The following PATJ variants were observed in gnomAD, a reference collection of about 807,000 sequenced individuals.
PATJ encodes the protein inaD-like protein.
In PATJ, 190 loss-of-function variants were observed where a neutral mutation model predicts 224.9. The observed-to-expected ratio is 0.84, with a 90% CI of 0.75 to 0.95. The LOEUF (loss-of-function observed/expected upper bound fraction) is 0.95. Among genes scored for constraint, PATJ ranks in the 40% least tolerant of loss-of-function variants. The pLI is 0.00. For synonymous variants in PATJ, 769 were observed against 820.3 expected (o/e 0.94, Z 1.07); for missense variants, 2,121 against 2,270.3 (o/e 0.93, Z 1.34).
chr1:62,079,014 A>G (rs2148725495), intron 31 of PATJ, among the ~76,000 whole-genome samples: 1 of 152,234 alleles, frequency 6.6e-6, no homozygotes, highest in Non-Finnish European at 1.5e-5. Context: ...AGAAATGGAC[A>G]GTGTTGATGC....
At chr1:61,773,731 G>A (rs1484648544) in intron 6 of PATJ, among the ~76,000 whole-genome samples, 2 of 151,786 alleles carry the variant, frequency 1.3e-5, no homozygotes, top group Non-Finnish European at 2.9e-5. Flanking sequence ...AGGTTGCAGT[G>A]AGCTATTATG....
intron 27 of PATJ, among the ~76,000 whole-genome samples, chr1:61,980,832 T>C (rs1306334866): frequency 1.3e-5 from 2 of 152,074 alleles, no homozygotes. Flanking sequence ...ACCATTTCTC[T>C]CTTAAGTTTT....
chr1:62,147,485 ACTCC>A (rs1464891393), intron 41 of PATJ, among the ~76,000 whole-genome samples: 2 of 151,512 alleles, frequency 1.3e-5, no homozygotes, highest in Non-Finnish European at 2.9e-5. Flanking sequence ...CATGGCAAAA[ACTCC>A]CTCTACAAAT....
At chr1:61,892,114 C>A (rs1308292983) in intron 22 of PATJ, among the ~76,000 whole-genome samples, 2 of 152,172 alleles carry the variant, frequency 1.3e-5, no homozygotes, top group African/African-American at 4.8e-5. Context: ...CATGGCAGAA[C>A]ATCTGTACAA....
At chr1:62,073,319 A>G in intron 31 of PATJ, 2 of 985,282 alleles carry the variant, frequency 2.0e-6, no homozygotes, top group Non-Finnish European at 2.4e-6. Context: ...CCCCCTAAAC[A>G]GATGCTTAAA....
intron 29 of PATJ, among the ~76,000 whole-genome samples, chr1:62,022,878 T>C (rs1647170670): frequency 6.6e-6 from 1 of 152,206 alleles, no homozygotes; most frequent in African/African-American, 2.4e-5. Context: ...AAAAATATAG[T>C]GTGGCTCGTT....
intron 28 of PATJ, among the ~76,000 whole-genome samples, chr1:61,996,188 A>G (rs971095882): frequency 1.3e-5 from 2 of 152,250 alleles, no homozygotes; most frequent in Non-Finnish European, 2.9e-5. Flanking sequence ...CATATTTTTC[A>G]GGGATAAAGA....
At chr1:61,953,279 TAACTC>T (rs377036368) in intron 27 of PATJ, among the ~76,000 whole-genome samples, 214 of 152,368 alleles carry the variant, frequency 1.4e-3, no homozygotes, top group African/African-American at 4.9e-3. Flanking sequence ...AGGCAATTGT[TAACTC>T]AAGAGTTAGA....
chr1:62,093,250 G>C (rs574767227), intron 33 of PATJ, among the ~76,000 whole-genome samples: 39 of 152,220 alleles, frequency 2.6e-4, no homozygotes, highest in Admixed American at 1.2e-3. Flanking sequence ...AAGAATACCT[G>C]TTCTTTAGCT....
chr1:61,756,739 C>G lies in PATJ; in HGVS notation c.-35-6119C>G, dbSNP rs148246860. Among the ~76,000 whole-genome samples, 3 of 151,658 alleles carry G rather than the reference C, an allele frequency of 2.0e-5. No homozygotes were observed. In the East Asian group the frequency reaches 5.8e-4, roughly 29 times the overall value. The stretch of plus-strand genomic sequence containing the variant: ...GACAACAGGCGTGCGCCACCACGCC[C>G]GGATAATTTTTTATATTTTTAGTAG... On this transcript the variant is annotated intron_variant, in intron 1 of 43. Coordinates refer to ENST00000642238, the MANE Select transcript of PATJ (RefSeq NM_001350145.3).
intron 29 of PATJ, among the ~76,000 whole-genome samples, chr1:62,019,242 C>CAA (rs57010731): frequency 3.0e-4 from 26 of 85,834 alleles, no homozygotes; most frequent in African/African-American, 2.9e-4. Context: ...GAGATTGTCT[C>CAA]AAAAAAAAAA....
chr1:61,856,876 G>C (rs1663761552), intron 18 of PATJ, among the ~76,000 whole-genome samples: 1 of 152,100 alleles, frequency 6.6e-6, no homozygotes. Context: ...AGGGGTGTGA[G>C]CCATTGCACC....
At chr1:61,789,669 A>G (rs1271116709) in intron 8 of PATJ, among the ~76,000 whole-genome samples, 1 of 152,024 alleles carries the variant, frequency 6.6e-6, no homozygotes, top group Admixed American at 6.5e-5. Flanking sequence ...AAGGTTAGCC[A>G]GGATTGGTGG....
intron 7 of PATJ, among the ~76,000 whole-genome samples, chr1:61,784,258 CATTG>C (rs1235686178): frequency 6.6e-6 from 1 of 152,174 alleles, no homozygotes; most frequent in African/African-American, 2.4e-5. Context: ...TATTGGTTTT[CATTG>C]ATTGATGATT....
chr1:62,053,144 C>G (rs936345740), intron 31 of PATJ, among the ~76,000 whole-genome samples: 4 of 152,214 alleles, frequency 2.6e-5, no homozygotes, highest in Non-Finnish European at 5.9e-5. Context: ...GGTGTCAAGA[C>G]AGTTGAAGAG....
At chr1:62,128,404 T>G in intron 40 of PATJ, 1 of 308,168 alleles carries the variant, frequency 3.2e-6, no homozygotes, top group East Asian at 6.3e-5. Context: ...CATTTGACCT[T>G]AGAGTCTTCC....
intron 22 of PATJ, among the ~76,000 whole-genome samples, chr1:61,897,565 T>A (rs990210375): frequency 8.5e-5 from 13 of 152,160 alleles, no homozygotes; most frequent in African/African-American, 3.1e-4. Context: ...CAATTTCACC[T>A]GTGAATTCTA....
At chr1:62,057,646 T>C (rs960176495) in intron 31 of PATJ, among the ~76,000 whole-genome samples, 2 of 152,214 alleles carry the variant, frequency 1.3e-5, no homozygotes, top group South Asian at 4.1e-4. Flanking sequence ...AGCAAGGCAA[T>C]GTATGGGTTT....
intron 41 of PATJ, among the ~76,000 whole-genome samples, chr1:62,141,409 TC>T (rs1667480286): frequency 6.6e-6 from 1 of 152,186 alleles, no homozygotes; most frequent in Admixed American, 6.5e-5. Context: ...GCGCGTTGGC[TC>T]ATGCCTGTAA....
Sources: allele counts gnomAD v4.1 joint callset (sites outside exome capture counted in the v4.1 genomes callset), GRCh38; gene constraint gnomAD v4.1.1; transcripts MANE v1.5; gene names NCBI Gene and HGNC (gene_info 2026-07-23, HGNC 2026-07-21).